The following SYNJ1 variants were observed in gnomAD, a reference collection of about 807,000 sequenced individuals.
The protein encoded by SYNJ1 is synaptojanin 1, also known as polyphosphatidylinositol phosphatase SYNJ1.
Under a neutral mutation model 168.2 loss-of-function variants are expected in SYNJ1, and 78 were observed. The ratio of observed to expected loss-of-function variants is 0.46; its 90% confidence interval spans 0.39 to 0.56. SYNJ1 has a LOEUF of 0.56. SYNJ1 is among the 20% of genes least tolerant of loss of function. SYNJ1 has a pLI of 0.00. For missense variants in SYNJ1, 1,303 were observed against 1,597.6 expected (o/e 0.82, Z 3.14); for synonymous variants, 539 against 548.6 (o/e 0.98, Z 0.24).
intron 29 of SYNJ1, among the ~76,000 whole-genome samples, chr21:32,640,343 CG>C (rs1358001038): frequency 6.6e-6 from 1 of 151,648 alleles, no homozygotes; most frequent in African/African-American, 2.4e-5. Flanking sequence ...TGTGGCCAGA[CG>C]GGAGTGCAGT....
intron 15 of SYNJ1, among the ~76,000 whole-genome samples, chr21:32,668,931 G>A (rs182323892): frequency 2.2e-3 from 334 of 152,012 alleles, no homozygotes; most frequent in African/African-American, 7.7e-3. Flanking sequence ...GCTTTCACTC[G>A]AATTTAGGCA....
At chr21:32,700,363 T>C (rs1205280364) in intron 3 of SYNJ1, among the ~76,000 whole-genome samples, 2 of 152,188 alleles carry the variant, frequency 1.3e-5, no homozygotes, top group Non-Finnish European at 2.9e-5. Flanking sequence ...AAAAACTTTA[T>C]CGAATAATTG....
chr21:32,665,146 T>C (rs2040875057), intron 17 of SYNJ1, 75 bp from the exon 18 acceptor site: 2 of 1,419,354 alleles, frequency 1.4e-6, no homozygotes, highest in Non-Finnish European at 9.5e-7. Context: ...TTTCTTTGCC[T>C]GAGATATGCT....
intron 14 of SYNJ1, among the ~76,000 whole-genome samples, chr21:32,671,899 A>G (rs1289449829): frequency 6.6e-6 from 1 of 151,734 alleles, no homozygotes; most frequent in African/African-American, 2.4e-5. Context: ...CTCTACTAAA[A>G]ATACAAAAAA....
rs2042344677 is a variant in SYNJ1, at chr21:32,700,028, G to A, written c.289C>T (p.Arg97Ter). 4 of 1,613,928 alleles carry A rather than the reference G, an allele frequency of 2.5e-6. No individual in the cohort carries two copies. The highest frequency in any genetic ancestry group is 1.3e-5 in the African/African-American group (1 of 74,864). ...GATATAAACTCAGTGGAAGTAACTC[G>A]GAAAACTTCAGATTCTTGAATTTTT... ...VGKIQESEVF[R>*]VTSTEFISLR... Residue 97 changes from arginine (R) to a stop codon, truncating the protein, a stop_gained, in exon 4 of 33, where the codon CGA (arginine) becomes TGA (stop). Coordinates refer to ENST00000674351, the MANE Select transcript of SYNJ1 (RefSeq NM_203446.3). LOFTEE classifies it high-confidence loss of function.
rs764030506 is a variant in SYNJ1 at position 32,678,822 on chromosome 21, G to T, written c.1354-21C>A. 10 of 1,591,308 alleles carry T rather than the reference G, an allele frequency of 6.3e-6. No individual in the cohort carries two copies. The African/African-American group carries it at 1.2e-4, about 20-fold the overall frequency. On this transcript the variant is annotated intron_variant, in intron 11 of 32. Transcript: ENST00000674351. ...TTTAACTTTCCAGCCTGTTAAGAAAGGAGCGCAGATTTTCATTTTAAATAT... is the reference window on the plus strand; with the variant it reads ...TTTAACTTTCCAGCCTGTTAAGAAATGAGCGCAGATTTTCATTTTAAATAT...
intron 2 of SYNJ1, among the ~76,000 whole-genome samples, chr21:32,716,430 G>C (rs2043025471): frequency 6.6e-6 from 1 of 152,174 alleles, no homozygotes; most frequent in Non-Finnish European, 1.5e-5. Flanking sequence ...CAAAACTCTA[G>C]GTGAATGGTT....
At chr21:32,728,127 C>T (rs1325486022), upstream of SYNJ1, 2 of 1,402,486 alleles carry the variant, frequency 1.4e-6, no homozygotes, top group East Asian at 2.8e-5. Flanking sequence ...TCTGCGCCGA[C>T]CGGCTGGGCC....
rs745572920 is a variant in SYNJ1 at position 32,664,869 on chromosome 21, G to A, written c.2304+44C>T. ...CTTGATTTAAAAAGGCATGTTTCAC[G>A]ACCCAAAATCTTAATGCAAGTATTT... On this transcript the variant is annotated intron_variant, in intron 18 of 32. Coordinates refer to ENST00000674351, the MANE Select transcript of SYNJ1 (RefSeq NM_203446.3). 2.1e-5 allele frequency: 31 copies of A among 1,488,780 alleles called. No individual in the cohort carries two copies. The East Asian group carries it at 4.6e-4, about 22-fold the overall frequency. The allele number at this position is 1,488,780 out of a possible 1,614,324, so 92.2% of individuals were successfully genotyped here.
chr21:32,719,037 G>C (rs778580898), intron 2 of SYNJ1, among the ~76,000 whole-genome samples: 10 of 152,170 alleles, frequency 6.6e-5, no homozygotes, highest in Non-Finnish European at 1.5e-4. Context: ...TATGTCATTG[G>C]GGCAGTTATC....
At chr21:32,645,525 T>C in intron 25 of SYNJ1, 121 bp downstream of exon 25, 2 of 1,298,752 alleles carry the variant, frequency 1.5e-6, no homozygotes, top group Middle Eastern at 2.8e-4. Context: ...AGCTAAGAAA[T>C]AGCAATAATG....
At chr21:32,727,619 C>G (rs1353714376) in intron 1 of SYNJ1, among the ~76,000 whole-genome samples, 1 of 152,188 alleles carries the variant, frequency 6.6e-6, no homozygotes, top group East Asian at 1.9e-4. Context: ...AAAGCGGCTC[C>G]TTCTCGGAGA....
intron 4 of SYNJ1, among the ~76,000 whole-genome samples, chr21:32,697,199 T>C (rs1377353765): frequency 2.0e-5 from 3 of 152,190 alleles, no homozygotes; most frequent in African/African-American, 4.8e-5. Context: ...GAATTTCCAA[T>C]GGAGTAAAGC....
intron 2 of SYNJ1, among the ~76,000 whole-genome samples, chr21:32,706,490 C>T (rs2042613657): frequency 6.9e-6 from 1 of 144,446 alleles, no homozygotes; most frequent in African/African-American, 2.6e-5. Flanking sequence ...CCACTCAGTT[C>T]TGGGGCAAAA....
At chr21:32,674,509 T>C (rs2041326597) in intron 13 of SYNJ1, among the ~76,000 whole-genome samples, 2 of 152,212 alleles carry the variant, frequency 1.3e-5, no homozygotes, top group South Asian at 4.1e-4. Flanking sequence ...TAGTCTGTTT[T>C]CTTTATGGGA....
In SYNJ1 at chr21:32,665,184, A is replaced by T. The variant is rs796308592; in HGVS notation, c.2146-113T>A. On this transcript the variant is annotated intron_variant, in intron 17 of 32. Transcript: ENST00000674351. ...TCTCCTCCCATGTCCTGTTTCTTTG[A>T]CCCAACAGTAATAACACATGTGAAA... The T allele has an allele frequency of 3.9e-5, 43 of 1,111,300 alleles. No homozygotes were observed. In the African/African-American group the frequency reaches 6.1e-4, roughly 16 times the overall value. The allele number at this position is 1,111,300 out of a possible 1,614,324, so 68.8% of individuals were successfully genotyped here. A position where few individuals can be genotyped will look rare whatever the true frequency, so the allele number is the denominator to read the frequency against.
At chr21:32,708,150 G>A (rs1214725641) in intron 2 of SYNJ1, among the ~76,000 whole-genome samples, 1 of 152,230 alleles carries the variant, frequency 6.6e-6, no homozygotes, top group Non-Finnish European at 1.5e-5. Context: ...GAGTAGTAAG[G>A]TGGGGGTGGG....
intron 4 of SYNJ1, 65 bp from the exon 5 acceptor site, chr21:32,695,347 A>C: frequency 7.1e-7 from 1 of 1,413,454 alleles, no homozygotes; most frequent in East Asian, 2.4e-5. Context: ...GACTTTTAAA[A>C]TAATCTCCTG....
rs772437355 is a variant in SYNJ1 at position 32,641,850 on chromosome 21, G to C, written c.3588+46C>G. On this transcript the variant is annotated intron_variant, in intron 29 of 32. Coordinates refer to ENST00000674351, the MANE Select transcript of SYNJ1 (RefSeq NM_203446.3). The stretch of plus-strand genomic sequence containing the variant: ...TAACAAAACTGACTAGTAGTAAACA[G>C]GACTTAGAACCGAGACCCCTTGGCC... The C allele has an allele frequency of 1.9e-5, 27 of 1,444,306 alleles. No homozygotes were observed. In the African/African-American group the frequency reaches 3.7e-4, roughly 20 times the overall value. 89.5% of individuals were successfully genotyped at this position (1,444,306 alleles called of 1,614,324 possible).
Sources: gnomAD v4.1 joint callset for allele counts (sites outside exome capture counted in the v4.1 genomes callset) on GRCh38, gnomAD v4.1.1 for gene constraint, MANE v1.5 for transcripts, NCBI Gene and HGNC (gene_info 2026-07-23, HGNC 2026-07-21) for gene names.